Variants in GALNT6 observed in about 807,000 individuals in gnomAD.
The protein encoded by GALNT6 is GalNAc transferase 6.
Under a neutral mutation model 65.9 loss-of-function variants are expected in GALNT6, and 51 were observed. That is an observed-to-expected ratio of 0.77 (90% CI 0.62 to 0.98). The LOEUF (loss-of-function observed/expected upper bound fraction) is 0.98, where lower values mean the gene tolerates loss of function less well. Ranked by LOEUF, GALNT6 falls within the 50% of genes least tolerant of loss-of-function variation. GALNT6 has a pLI of 0.00. For missense variants in GALNT6, 708 were observed against 803.3 expected (o/e 0.88, Z 1.43); for synonymous variants, 323 against 315.1 (o/e 1.02, Z -0.26).
Position 51,379,675 on chromosome 12 carries a change from TC to T in GALNT6, c.106del (p.Glu36ArgfsTer8). 1 of 1,614,090 alleles carries T rather than the reference TC, an allele frequency of 6.2e-7. No homozygotes were observed. The highest frequency in any genetic ancestry group is 1.7e-4 in the Middle Eastern group (1 of 6,060). ...LLHRDVSSRE[E>X]ATEKPWLKSL... ...CTTCAGCCACGGCTTCTCTGTGGCC[TC>T]CTCTCTGCTGCTCACATCCCTATGC... is the stretch of plus-strand genomic sequence containing the variant. On this transcript the variant is annotated frameshift_variant, in exon 3 of 12. Coordinates refer to ENST00000356317, the MANE Select transcript of GALNT6 (RefSeq NM_007210.4). LOFTEE classifies it high-confidence loss of function.
intron 10 of GALNT6, among the ~76,000 whole-genome samples, chr12:51,356,349 TTC>T (rs1451313108): frequency 2.1e-5 from 3 of 141,882 alleles, no homozygotes; most frequent in Non-Finnish European, 3.0e-5. Context: ...CCAGTATATT[TTC>T]TCTTTTTTTT....
intron 3 of GALNT6, among the ~76,000 whole-genome samples, chr12:51,378,226 C>A (rs1028596875): frequency 6.6e-6 from 1 of 152,150 alleles, no homozygotes; most frequent in African/African-American, 2.4e-5. Context: ...ATGATCTTAG[C>A]TCCCTGCAAC....
intron 3 of GALNT6, among the ~76,000 whole-genome samples, chr12:51,377,738 A>G (rs767756677): frequency 2.0e-5 from 3 of 152,172 alleles, no homozygotes; most frequent in Non-Finnish European, 2.9e-5. Flanking sequence ...ATGTAATCCA[A>G]TCCAGAGGTC....
chr12:51,372,326 A>G (rs1346850418), intron 4 of GALNT6, among the ~76,000 whole-genome samples: 1 of 152,112 alleles, frequency 6.6e-6, no homozygotes, highest in Non-Finnish European at 1.5e-5. Flanking sequence ...CTCCCACCTC[A>G]GCCTCTCGAG....
intron 4 of GALNT6, among the ~76,000 whole-genome samples, chr12:51,368,933 G>T (rs957499024): frequency 6.6e-6 from 1 of 152,202 alleles, no homozygotes; most frequent in African/African-American, 2.4e-5. Context: ...TCAATGTGCT[G>T]CCAGGTGCCA....
intron 4 of GALNT6, 122 bp from the exon 5 acceptor site, chr12:51,365,701 G>T: frequency 1.2e-6 from 1 of 842,090 alleles, no homozygotes; most frequent in Non-Finnish European, 1.8e-6. Flanking sequence ...CCCAACACCT[G>T]CTGTACTGAG....
chr12:51,357,271 T>A, intron 10 of GALNT6, 78 bp downstream of exon 10: 1 of 932,046 alleles, frequency 1.1e-6, no homozygotes, highest in East Asian at 2.4e-5. Flanking sequence ...CTCCCAGTCC[T>A]CAGGAAAGGA....
chr12:51,377,083 G>T, intron 4 of GALNT6, 112 bp downstream of exon 4: 1 of 857,202 alleles, frequency 1.2e-6, no homozygotes. Flanking sequence ...GAGCTGTGAT[G>T]TCAGGCAACA....
At position 51,358,120 on chromosome 12, in the gene GALNT6, C is replaced by A. The variant is rs1175701146; in HGVS notation, c.1500+10G>T. Reference sequence around the variant, plus strand: ...GGTGATGGGCAGGCAGGTTGGTTCTCAAGACTTACGGCACCATAGAAGGTG... The same window carrying A: ...GGTGATGGGCAGGCAGGTTGGTTCTAAAGACTTACGGCACCATAGAAGGTG... On this transcript the variant is annotated intron_variant, in intron 9 of 11. Coordinates refer to ENST00000356317, the MANE Select transcript of GALNT6 (RefSeq NM_007210.4). 9 of 1,611,840 alleles carry A rather than the reference C, an allele frequency of 5.6e-6. No individual in the cohort carries two copies. In the South Asian group the frequency reaches 9.9e-5, roughly 18 times the overall value.
At position 51,365,532 on chromosome 12, in the gene GALNT6, C is replaced by T; in HGVS notation, c.712G>A (p.Val238Met). Residue 238 changes from valine to methionine, a missense_variant, in exon 5 of 12, where the codon GTG becomes ATG. Transcript: ENST00000356317. ...CGCTCCTCCTGCCGCACCACCCTCA[C>T]CACCTGCAGCTGCTTCACGTACTGC... ...LEQYVKQLQV[V>M]RVVRQEERKG... The T allele has an allele frequency of 6.2e-7, 1 of 1,613,310 alleles. No individual in the cohort carries two copies. Among genetic ancestry groups the T allele is most frequent in the Non-Finnish European group, 8.5e-7 (1 of 1,180,000 alleles).
rs1592307478 is a variant in GALNT6, at chr12:51,354,623, A to G, written c.1756-131T>C. The G allele has an allele frequency of 1.1e-5, 7 of 609,386 alleles. No individual in the cohort carries two copies. In the East Asian group the frequency reaches 1.7e-4, roughly 15 times the overall value. The allele number at this position is 609,386 out of a possible 1,614,324, so 37.7% of individuals were successfully genotyped here. A position where few individuals can be genotyped will look rare whatever the true frequency, so the allele number is the denominator to read the frequency against. On this transcript the variant is annotated intron_variant, in intron 11 of 11. Coordinates refer to ENST00000356317, the MANE Select transcript of GALNT6 (RefSeq NM_007210.4). ...CAAGGCACAAAGAGGACACTTCCCCATTCCTTTCCTGCCCTCTCATGAGAC... is the reference window on the plus strand; with the variant it reads ...CAAGGCACAAAGAGGACACTTCCCCGTTCCTTTCCTGCCCTCTCATGAGAC...
chr12:51,371,253 T>C (rs2137664201), intron 4 of GALNT6, among the ~76,000 whole-genome samples: 1 of 152,038 alleles, frequency 6.6e-6, no homozygotes, highest in South Asian at 2.1e-4. Context: ...CTGGCTAATT[T>C]TTGTATTTTT....
intron 2 of GALNT6, among the ~76,000 whole-genome samples, chr12:51,384,217 G>C (rs77749252): frequency 0.1 from 15,391 of 152,180 alleles, 883 homozygotes; most frequent in East Asian, 0.16. Context: ...TGCCTAGATT[G>C]AACAAATGGG....
At chr12:51,386,664 A>G (rs530188934) in intron 2 of GALNT6, among the ~76,000 whole-genome samples, 1 of 152,310 alleles carries the variant, frequency 6.6e-6, no homozygotes, top group East Asian at 1.9e-4. Context: ...GAAAGTGATA[A>G]CTGTCACCAC....
At position 51,379,401 on chromosome 12, in the gene GALNT6, G is replaced by A. The variant is rs752996671; in HGVS notation, c.381C>T (p.Pro127=). The change falls in exon 3 of 12, where the codon CCC becomes CCT. Residue 127 remains proline, a synonymous_variant. Transcript: ENST00000356317. ...GKAFQKSKWT[P]LETQEKEEGY... is the part of the protein sequence containing the mutation. ...CTTCTTCCTTTTCCTGGGTCTCCAG[G>A]GGGGTCCACTTGCTCTTCTGAAATG... 5.6e-6 allele frequency: 9 copies of A among 1,606,606 alleles called. No individual in the cohort carries two copies. In the African/African-American group the frequency reaches 6.7e-5, roughly 12 times the overall value.
chr12:51,375,339 C>T (rs1188821952), intron 4 of GALNT6, among the ~76,000 whole-genome samples: 3 of 152,150 alleles, frequency 2.0e-5, no homozygotes, highest in Non-Finnish European at 4.4e-5. Flanking sequence ...CCTTTAAGGC[C>T]CAGCTCCAAT....
At chr12:51,382,560 A>C (rs1359985319) in intron 2 of GALNT6, 1 of 152,670 alleles carries the variant, frequency 6.6e-6, no homozygotes, top group Non-Finnish European at 1.5e-5. Context: ...GCAGTCTGGT[A>C]TGGCAGGAGT....
chr12:51,384,990 TTC>T (rs1463783379), intron 2 of GALNT6, among the ~76,000 whole-genome samples: 3 of 152,180 alleles, frequency 2.0e-5, no homozygotes, highest in Non-Finnish European at 4.4e-5. Flanking sequence ...CGTTTTTTCT[TTC>T]TTTCTTTTTT....
intron 4 of GALNT6, among the ~76,000 whole-genome samples, chr12:51,367,899 T>A (rs1947162077): frequency 6.6e-6 from 1 of 152,114 alleles, no homozygotes; most frequent in East Asian, 1.9e-4. Flanking sequence ...ATGGGGAAAG[T>A]AAGACTCAAA....
Sources: allele counts gnomAD v4.1 joint callset (sites outside exome capture counted in the v4.1 genomes callset), GRCh38; gene constraint gnomAD v4.1.1; transcripts MANE v1.5; gene names NCBI Gene and HGNC (gene_info 2026-07-23, HGNC 2026-07-21).